The following RFX3 variants were observed in gnomAD, a reference collection of about 807,000 sequenced individuals.
RFX3 encodes the protein transcription factor RFX3.
RFX3 carries 14 observed loss-of-function variants against 98.6 expected under a neutral mutation model. That is an observed-to-expected ratio of 0.14 (90% CI 0.09 to 0.22). RFX3 has a LOEUF of 0.22. Ranked by LOEUF, RFX3 falls within the 10% of genes least tolerant of loss-of-function variation. The pLI is 1.00. For missense variants in RFX3, 639 were observed against 926.9 expected (o/e 0.69, Z 4.03); for synonymous variants, 383 against 328.4 (o/e 1.17, Z -1.80).
intron 2 of RFX3, among the ~76,000 whole-genome samples, chr9:3,349,176 T>G (rs1834793116): frequency 6.6e-6 from 1 of 152,106 alleles, no homozygotes; most frequent in Non-Finnish European, 1.5e-5. Flanking sequence ...TGTCCATCTT[T>G]GCTCTTATGG....
intron 3 of RFX3, among the ~76,000 whole-genome samples, chr9:3,336,199 G>C (rs1833155251): frequency 1.3e-5 from 2 of 152,014 alleles, no homozygotes; most frequent in South Asian, 4.1e-4. Context: ...TATCTCACAT[G>C]GGTACAACAT....
chr9:3,449,405 T>C (rs183244092), intron 1 of RFX3, among the ~76,000 whole-genome samples: 1 of 152,370 alleles, frequency 6.6e-6, no homozygotes, highest in East Asian at 1.9e-4. Flanking sequence ...TGCTTATTTA[T>C]TAGAGATGGT....
At chr9:3,476,274 G>T (rs888883318) in intron 1 of RFX3, among the ~76,000 whole-genome samples, 5 of 151,426 alleles carry the variant, frequency 3.3e-5, no homozygotes, top group Admixed American at 3.3e-4. Flanking sequence ...TATTACACTG[G>T]AACAACTCGT....
chr9:3,505,224 ATATATGAATATATATT>A (rs1367394770), intron 1 of RFX3, among the ~76,000 whole-genome samples: 2 of 92,700 alleles, frequency 2.2e-5, no homozygotes, highest in Non-Finnish European at 3.6e-5. Flanking sequence ...ATATATATTT[ATATATGAATATATATT>A]TATATATATA....
intron 4 of RFX3, among the ~76,000 whole-genome samples, chr9:3,318,437 G>A (rs992013315): frequency 6.6e-6 from 1 of 151,550 alleles, no homozygotes; most frequent in African/African-American, 2.4e-5. Context: ...CGAGTTAACG[G>A]GTGCAGCACA....
intron 1 of RFX3, among the ~76,000 whole-genome samples, chr9:3,456,142 C>A (rs1344593453): frequency 6.6e-6 from 1 of 152,150 alleles, no homozygotes; most frequent in African/African-American, 2.4e-5. Context: ...GGGAAGGAGC[C>A]CTCATGACCT....
chr9:3,288,355 A>G, intron 6 of RFX3, 105 bp from the exon 7 acceptor site: 2 of 935,512 alleles, frequency 2.1e-6, no homozygotes, highest in Non-Finnish European at 3.3e-6. Context: ...TGGTAAAAAC[A>G]GTAAGTTAAT....
At chr9:3,316,357 G>T (rs1401161251) in intron 4 of RFX3, among the ~76,000 whole-genome samples, 2 of 150,848 alleles carry the variant, frequency 1.3e-5, no homozygotes, top group East Asian at 3.9e-4. Flanking sequence ...AATAAACTAG[G>T]TATTGATGGG....
chr9:3,362,999 T>C (rs1244357416), intron 2 of RFX3, among the ~76,000 whole-genome samples: 1 of 152,208 alleles, frequency 6.6e-6, no homozygotes, highest in Admixed American at 6.5e-5. Context: ...CAAAGGAACA[T>C]AGCAACCATT....
intron 1 of RFX3, among the ~76,000 whole-genome samples, chr9:3,406,014 G>A (rs1841936379): frequency 1.3e-5 from 2 of 152,034 alleles, no homozygotes; most frequent in Admixed American, 1.3e-4. Context: ...CAGTGCAGTG[G>A]CACAAACTTG....
intron 15 of RFX3, chr9:3,247,151 A>G: frequency 1.0e-6 from 1 of 985,452 alleles, no homozygotes; most frequent in Non-Finnish European, 1.2e-6. Context: ...ATGATTCGAC[A>G]AGGTATAAAC....
intron 2 of RFX3, among the ~76,000 whole-genome samples, chr9:3,393,729 AT>A (rs1262447695): frequency 6.8e-6 from 1 of 147,212 alleles, no homozygotes; most frequent in Non-Finnish European, 1.5e-5. Context: ...GTTAAAAAAT[AT>A]ATATAAAAAG....
At chr9:3,235,590 C>T (rs938927114) in intron 15 of RFX3, among the ~76,000 whole-genome samples, 8 of 152,122 alleles carry the variant, frequency 5.3e-5, no homozygotes, top group Non-Finnish European at 1.5e-5. Flanking sequence ...AGTTGTGGTT[C>T]TTTCTGAAGT....
chr9:3,511,353 A>ATT (rs530419681), intron 1 of RFX3, among the ~76,000 whole-genome samples: 1 of 151,204 alleles, frequency 6.6e-6, no homozygotes, highest in Non-Finnish European at 1.5e-5. Context: ...ATGAATAACG[A>ATT]TTTTTTTTTG....
intron 2 of RFX3, among the ~76,000 whole-genome samples, chr9:3,372,711 G>A (rs1435991631): frequency 6.6e-6 from 1 of 151,812 alleles, no homozygotes; most frequent in African/African-American, 2.4e-5. Flanking sequence ...TCAGCCTCCC[G>A]AGCAGCTGGG....
chr9:3,253,073 C>G (rs1821637812), intron 14 of RFX3, among the ~76,000 whole-genome samples: 1 of 152,160 alleles, frequency 6.6e-6, no homozygotes, highest in Non-Finnish European at 1.5e-5. Flanking sequence ...GCTAAGTTAC[C>G]ATGAATTCAA....
At chr9:3,292,452 A>G (rs958906485) in intron 6 of RFX3, among the ~76,000 whole-genome samples, 1 of 152,260 alleles carries the variant, frequency 6.6e-6, no homozygotes, top group Admixed American at 6.5e-5. Context: ...CCACATACAC[A>G]TGGTTTCATA....
chr9:3,413,812 G>A (rs919431977), intron 1 of RFX3, among the ~76,000 whole-genome samples: 1 of 151,898 alleles, frequency 6.6e-6, no homozygotes, highest in African/African-American at 2.4e-5. Flanking sequence ...ATGCTTTTTT[G>A]AATAATATCC....
At chr9:3,420,757 A>G in intron 1 of RFX3, 1 of 982,050 alleles carries the variant, frequency 1.0e-6, no homozygotes, top group Non-Finnish European at 1.2e-6. Flanking sequence ...GCCTTCATTC[A>G]TCACTACTGT....
Sources: allele counts gnomAD v4.1 joint callset (sites outside exome capture counted in the v4.1 genomes callset), GRCh38; gene constraint gnomAD v4.1.1; transcripts MANE v1.5; gene names NCBI Gene and HGNC (gene_info 2026-07-23, HGNC 2026-07-21).